WDR70: variants seen among roughly 807,000 people sequenced by gnomAD.
WDR70 encodes the protein WD repeat domain 70.
Under a neutral mutation model 88.6 loss-of-function variants are expected in WDR70, and 53 were observed. That is an observed-to-expected ratio of 0.60 (90% CI 0.48 to 0.75). WDR70 has a LOEUF of 0.75. WDR70 is among the 30% of genes least tolerant of loss of function. The probability of loss-of-function intolerance (pLI) is 0.00; values close to 1 mark genes in which losing one functional copy is unlikely to be tolerated. For missense variants in WDR70, 610 were observed against 823.2 expected, an observed-to-expected ratio of 0.74 and a Z score of 3.17; for synonymous variants, 280 against 270.0, an observed-to-expected ratio of 1.04 and a Z score of -0.36.
At chr5:37,515,103 A>G (rs1740847077) in intron 8 of WDR70, among the ~76,000 whole-genome samples, 1 of 152,148 alleles carries the variant, frequency 6.6e-6, no homozygotes, top group Non-Finnish European at 1.5e-5. Context: ...GCATGAGAGA[A>G]TGTTGTGAGA....
chr5:37,505,801 A>C, intron 8 of WDR70: 1 of 1,399,794 alleles, frequency 7.1e-7, no homozygotes, highest in Non-Finnish European at 1.0e-6. Flanking sequence ...GACAGATCAC[A>C]GTTCTCTAAA....
chr5:37,699,211 G>A (rs1289026990), intron 11 of WDR70, among the ~76,000 whole-genome samples: 1 of 151,882 alleles, frequency 6.6e-6, no homozygotes, highest in Non-Finnish European at 1.5e-5. Context: ...TAAAATAGGT[G>A]AGCCCAAAAT....
chr5:37,446,925 C>G (rs534855454), intron 7 of WDR70, among the ~76,000 whole-genome samples: 7 of 152,158 alleles, frequency 4.6e-5, no homozygotes, highest in Admixed American at 2.6e-4. Context: ...GTAACAAAAG[C>G]CAAAATTGAC....
At chr5:37,639,329 T>TA (rs1745048012) in intron 10 of WDR70, among the ~76,000 whole-genome samples, 1 of 152,192 alleles carries the variant, frequency 6.6e-6, no homozygotes, top group South Asian at 2.1e-4. Flanking sequence ...CGTCAAAACT[T>TA]ACCTCAAAGT....
At chr5:37,423,487 T>A (rs1236868505) in intron 5 of WDR70, among the ~76,000 whole-genome samples, 4 of 151,858 alleles carry the variant, frequency 2.6e-5, no homozygotes, top group African/African-American at 7.2e-5. Flanking sequence ...ATTGCTTTTT[T>A]AAAATCATGA....
chr5:37,401,164 ATTTTTTTTTTTTT>A (rs559450523), intron 5 of WDR70, among the ~76,000 whole-genome samples: 11 of 69,162 alleles, frequency 1.6e-4, no homozygotes, highest in East Asian at 1.1e-3. Flanking sequence ...ACACCTAGCT[ATTTTTTTTTTTTT>A]TTTTTTTTTT....
chr5:37,431,731 C>T (rs769727225), intron 5 of WDR70, among the ~76,000 whole-genome samples: 4 of 152,206 alleles, frequency 2.6e-5, no homozygotes, highest in Non-Finnish European at 5.9e-5. Flanking sequence ...CTGCCCCCAG[C>T]CCCTGGCAGC....
chr5:37,641,269 C>T (rs1194035532), intron 10 of WDR70, among the ~76,000 whole-genome samples: 3 of 152,084 alleles, frequency 2.0e-5, no homozygotes, highest in Admixed American at 6.6e-5. Context: ...GCCTATGCCA[C>T]CATGCCCAGC....
At chr5:37,689,688 C>T (rs1432368736) in intron 10 of WDR70, among the ~76,000 whole-genome samples, 2 of 152,192 alleles carry the variant, frequency 1.3e-5, no homozygotes, top group African/African-American at 4.8e-5. Flanking sequence ...GACATCTACA[C>T]CAAAACCCCA....
chr5:37,691,977 A>G (rs2112638608), intron 10 of WDR70, among the ~76,000 whole-genome samples: 1 of 152,278 alleles, frequency 6.6e-6, no homozygotes, highest in East Asian at 1.9e-4. Context: ...ACAAAGAAGA[A>G]AAGAGAGAAG....
At chr5:37,736,070 T>G (rs1467376176) in intron 17 of WDR70, among the ~76,000 whole-genome samples, 1 of 152,184 alleles carries the variant, frequency 6.6e-6, no homozygotes, top group Non-Finnish European at 1.5e-5. Context: ...AGATTCAGTT[T>G]CAGTTTCTTG....
intron 8 of WDR70, among the ~76,000 whole-genome samples, chr5:37,483,961 G>A (rs1311909982): frequency 6.6e-5 from 10 of 151,518 alleles, no homozygotes; most frequent in Non-Finnish European, 1.2e-4. Flanking sequence ...CAGACGGGGC[G>A]GCGGGGCAGA....
At chr5:37,508,613 T>G (rs540509778) in intron 8 of WDR70, among the ~76,000 whole-genome samples, 1 of 152,376 alleles carries the variant, frequency 6.6e-6, no homozygotes, top group Admixed American at 6.5e-5. Flanking sequence ...GATTTTTGAT[T>G]GTTAAACCAG....
At chr5:37,684,430 G>A (rs376995293) in intron 10 of WDR70, among the ~76,000 whole-genome samples, 1 of 152,174 alleles carries the variant, frequency 6.6e-6, no homozygotes, top group Non-Finnish European at 1.5e-5. Context: ...GTGGGCTGAT[G>A]TTCCTTCAGT....
At chr5:37,631,151 G>T (rs1744805836) in intron 10 of WDR70, among the ~76,000 whole-genome samples, 1 of 152,106 alleles carries the variant, frequency 6.6e-6, no homozygotes, top group African/African-American at 2.4e-5. Flanking sequence ...TCACTCCCTT[G>T]CCACACTGCA....
chr5:37,444,285 G>A (rs1738388338), intron 7 of WDR70, among the ~76,000 whole-genome samples: 1 of 150,078 alleles, frequency 6.7e-6, no homozygotes, highest in African/African-American at 2.4e-5. Flanking sequence ...TGGTCGGCTA[G>A]CATTATGTTA....
chr5:37,713,078 T>C (rs1356106250), intron 13 of WDR70, among the ~76,000 whole-genome samples: 2 of 152,228 alleles, frequency 1.3e-5, no homozygotes, highest in Non-Finnish European at 2.9e-5. Context: ...TTCTCTATTC[T>C]ATGTTCTCTT....
intron 7 of WDR70, among the ~76,000 whole-genome samples, chr5:37,460,716 T>C (rs1474628880): frequency 7.1e-6 from 1 of 141,430 alleles, no homozygotes; most frequent in Non-Finnish European, 1.6e-5. Flanking sequence ...AAATAAAAAA[T>C]AAAAAATAAA....
intron 5 of WDR70, among the ~76,000 whole-genome samples, chr5:37,414,599 CTG>C (rs1749635421): frequency 7.2e-6 from 1 of 138,404 alleles, no homozygotes; most frequent in Non-Finnish European, 1.5e-5. Context: ...TGAGGACAGT[CTG>C]TTTTTTTTTT....
Sources: allele counts gnomAD v4.1 joint callset (sites outside exome capture counted in the v4.1 genomes callset), GRCh38; gene constraint gnomAD v4.1.1; transcripts MANE v1.5; gene names NCBI Gene and HGNC (gene_info 2026-07-23, HGNC 2026-07-21).